Variants in NRXN1 observed in about 807,000 individuals in gnomAD.
NRXN1 encodes neurexin 1.
NRXN1 carries 39 observed loss-of-function variants against 150.9 expected under a neutral mutation model. The ratio of observed to expected loss-of-function variants is 0.26; its 90% CI spans 0.20 to 0.34. The LOEUF is 0.34. Ranked by LOEUF, NRXN1 falls within the 10% of genes least tolerant of loss-of-function variation. The probability of loss-of-function intolerance (pLI) is 1.00; values close to 1 mark genes in which losing one functional copy is unlikely to be tolerated. For synonymous variants in NRXN1, 924 were observed against 757.0 expected (o/e 1.22, Z -3.62); for missense variants, 1,815 against 1,949.9 (o/e 0.93, Z 1.30).
intron 8 of NRXN1, among the ~76,000 whole-genome samples, chr2:50,611,538 A>G (rs528905005): frequency 2.0e-5 from 3 of 152,288 alleles, no homozygotes; most frequent in African/African-American, 4.8e-5. Context: ...AGGAGTGTCT[A>G]TGGCAAGGTG....
At chr2:49,935,092 C>T (rs1670799723) in intron 22 of NRXN1, among the ~76,000 whole-genome samples, 1 of 152,150 alleles carries the variant, frequency 6.6e-6, no homozygotes, top group Admixed American at 6.5e-5. Flanking sequence ...CTAATAAAAG[C>T]TAATTTATGT....
At chr2:50,106,718 T>G (rs1392578588) in intron 18 of NRXN1, among the ~76,000 whole-genome samples, 7 of 151,960 alleles carry the variant, frequency 4.6e-5, no homozygotes, top group Non-Finnish European at 1.0e-4. Flanking sequence ...TGTCTCAAAC[T>G]TTGTGATCAC....
At chr2:49,963,703 T>A (rs1186783448) in intron 21 of NRXN1, among the ~76,000 whole-genome samples, 1 of 152,172 alleles carries the variant, frequency 6.6e-6, no homozygotes, top group African/African-American at 2.4e-5. Flanking sequence ...TCCTTTAACA[T>A]CTTTCACCAA....
chr2:50,495,553 C>T (rs1427407730), intron 15 of NRXN1, among the ~76,000 whole-genome samples: 1 of 152,046 alleles, frequency 6.6e-6, no homozygotes, highest in African/African-American at 2.4e-5. Flanking sequence ...TAATAAGCTC[C>T]TATATATCTG....
chr2:50,072,434 T>G (rs1239198393), intron 19 of NRXN1, among the ~76,000 whole-genome samples: 1 of 152,034 alleles, frequency 6.6e-6, no homozygotes, highest in Non-Finnish European at 1.5e-5. Context: ...AAAGATACAC[T>G]GTGTCCACTT....
At chr2:50,333,110 G>A (rs2076937197) in intron 17 of NRXN1, among the ~76,000 whole-genome samples, 1 of 152,062 alleles carries the variant, frequency 6.6e-6, no homozygotes, top group Non-Finnish European at 1.5e-5. Context: ...CAGAATCCCT[G>A]CAGAATCATT....
chr2:50,724,579 G>T (rs540161820), intron 5 of NRXN1, among the ~76,000 whole-genome samples: 12 of 151,970 alleles, frequency 7.9e-5, no homozygotes, highest in Non-Finnish European at 1.3e-4. Flanking sequence ...TATTAATCAC[G>T]TTGTATGGCT....
At chr2:50,866,634 G>A (rs1023484162) in intron 5 of NRXN1, among the ~76,000 whole-genome samples, 5 of 151,918 alleles carry the variant, frequency 3.3e-5, no homozygotes, top group Non-Finnish European at 5.9e-5. Flanking sequence ...CCTCTTTAAG[G>A]GCAAGTACAA....
At chr2:50,427,360 T>TA in intron 17 of NRXN1, among the ~76,000 whole-genome samples, 1 of 136,168 alleles carries the variant, frequency 7.3e-6, no homozygotes, top group East Asian at 2.4e-4. Flanking sequence ...ACATATATTC[T>TA]GCCAAAAAAA....
chr2:49,972,265 G>GCTCT (rs78365774), intron 21 of NRXN1, among the ~76,000 whole-genome samples: 18,383 of 152,048 alleles, frequency 0.12, 1,291 homozygotes, highest in Admixed American at 0.21. Context: ...GGTGACAGAG[G>GCTCT]GCTTGATGGA....
At chr2:50,897,053 G>A (rs904199154) in intron 5 of NRXN1, among the ~76,000 whole-genome samples, 3 of 152,150 alleles carry the variant, frequency 2.0e-5, no homozygotes, top group Non-Finnish European at 4.4e-5. Flanking sequence ...CATTAACACT[G>A]TGCATTTTAG....
chr2:50,531,162 G>A (rs964033379), intron 11 of NRXN1, 65 bp downstream of exon 11: 1 of 1,202,206 alleles, frequency 8.3e-7, no homozygotes, highest in Non-Finnish European at 1.1e-6. Flanking sequence ...CTTGATCAAT[G>A]TTTGCAGGCA....
intron 18 of NRXN1, among the ~76,000 whole-genome samples, chr2:50,181,629 C>CT (rs968490458): frequency 3.3e-5 from 5 of 151,944 alleles, no homozygotes; most frequent in East Asian, 3.9e-4. Context: ...AGGACTAGGA[C>CT]TTTTTTTTAA....
intron 8 of NRXN1, among the ~76,000 whole-genome samples, chr2:50,586,567 T>G (rs1673132530): frequency 6.7e-6 from 1 of 148,260 alleles, no homozygotes; most frequent in Non-Finnish European, 1.5e-5. Context: ...TTCAATATAT[T>G]AAAAAAAAAA....
chr2:50,502,502 C>G (rs2092001904), intron 13 of NRXN1, among the ~76,000 whole-genome samples: 1 of 151,914 alleles, frequency 6.6e-6, no homozygotes, highest in African/African-American at 2.4e-5. Context: ...ACACACGAGT[C>G]ATGGTTAACC....
At chr2:50,301,549 T>G (rs1374583232) in intron 17 of NRXN1, among the ~76,000 whole-genome samples, 4 of 152,220 alleles carry the variant, frequency 2.6e-5, no homozygotes, top group Non-Finnish European at 5.9e-5. Flanking sequence ...AGATTTTTTA[T>G]GTGATCTCTG....
At chr2:50,189,795 C>T (rs2061334972) in intron 18 of NRXN1, among the ~76,000 whole-genome samples, 1 of 152,006 alleles carries the variant, frequency 6.6e-6, no homozygotes, top group Non-Finnish European at 1.5e-5. Flanking sequence ...CTCTAAGAGG[C>T]CTGCAATCAT....
At chr2:50,930,206 TCTTCA>T (rs1687534458) in intron 2 of NRXN1, among the ~76,000 whole-genome samples, 1 of 152,056 alleles carries the variant, frequency 6.6e-6, no homozygotes. Context: ...TTTTTCTCCT[TCTTCA>T]CTGCTCGGGA....
chr2:49,979,952 C>A, intron 21 of NRXN1, among the ~76,000 whole-genome samples: 1 of 138,442 alleles, frequency 7.2e-6, no homozygotes, highest in South Asian at 2.3e-4. Flanking sequence ...GTTTTTCTTA[C>A]TCTGGTTGTT....
Sources: gnomAD v4.1 joint callset for allele counts (sites outside exome capture counted in the v4.1 genomes callset) on GRCh38, gnomAD v4.1.1 for gene constraint, MANE v1.5 for transcripts, NCBI Gene and HGNC (gene_info 2026-07-23, HGNC 2026-07-21) for gene names.